Variants in ZNF385D observed in about 807,000 individuals in gnomAD.
ZNF385D encodes zinc finger protein 659.
Under a neutral mutation model 35.8 loss-of-function variants are expected in ZNF385D, and 15 were observed. The ratio of observed to expected loss-of-function variants is 0.42; its 90% CI spans 0.28 to 0.64. The LOEUF is 0.64. Ranked by LOEUF, ZNF385D falls within the 30% of genes least tolerant of loss-of-function variation. The pLI is 0.23. For missense variants in ZNF385D, 474 were observed against 494.6 expected, an observed-to-expected ratio of 0.96 and a Z score of 0.39; for synonymous variants, 212 against 186.8, an observed-to-expected ratio of 1.13 and a Z score of -1.10.
At chr3:21,843,711 T>C (rs1695822253) in intron 3 of ZNF385D, among the ~76,000 whole-genome samples, 2 of 151,990 alleles carry the variant, frequency 1.3e-5, no homozygotes, top group Admixed American at 6.6e-5. Context: ...AATCAAGTCA[T>C]TACCAATTTT....
At chr3:22,293,777 A>C (rs1702425211) in intron 2 of ZNF385D, among the ~76,000 whole-genome samples, 1 of 152,106 alleles carries the variant, frequency 6.6e-6, no homozygotes, top group South Asian at 2.1e-4. Context: ...GCTTTCAATA[A>C]AATGAAAATA....
chr3:22,318,331 C>T (rs1197634998), intron 2 of ZNF385D, among the ~76,000 whole-genome samples: 20 of 151,908 alleles, frequency 1.3e-4, no homozygotes, highest in Admixed American at 7.2e-4. Context: ...GATGAAGATG[C>T]AGGGAAAATT....
chr3:21,886,211 C>A (rs1207610690), intron 3 of ZNF385D, among the ~76,000 whole-genome samples: 2 of 152,062 alleles, frequency 1.3e-5, no homozygotes, highest in African/African-American at 4.8e-5. Flanking sequence ...CTGCCTATTT[C>A]ATCCAGACTG....
chr3:22,227,759 A>T (rs777668509), intron 2 of ZNF385D, among the ~76,000 whole-genome samples: 1 of 152,152 alleles, frequency 6.6e-6, no homozygotes, highest in East Asian at 1.9e-4. Context: ...CTAATGACCT[A>T]TAAGTTACAA....
At position 21,538,480 on chromosome 3, in the gene ZNF385D, A is replaced by T. The variant is rs114859002; in HGVS notation, c.276+26094T>A. On this transcript the variant is annotated intron_variant, in intron 3 of 7. Transcript: ENST00000281523. ...CAGTGACCTAGGAGTTTGTTTAAAA[A>T]CCAAAGAAACTTGGTTCTGTACATA... Among the ~76,000 whole-genome samples, 914 of 152,248 alleles carry T rather than the reference A, an allele frequency of 6.0e-3. 10 individuals are homozygous for T. Among genetic ancestry groups the T allele is most frequent in the African/African-American group, 0.021 (879 of 41,556 alleles).
At chr3:22,081,796 A>G (rs1342198035) in intron 3 of ZNF385D, among the ~76,000 whole-genome samples, 1 of 152,154 alleles carries the variant, frequency 6.6e-6, no homozygotes, top group African/African-American at 2.4e-5. Context: ...TTTTTTTAAA[A>G]AAGGTTGCTT....
At position 21,956,093 on chromosome 3, in the gene ZNF385D, A is replaced by G. The variant is rs916909187; in HGVS notation, c.325+212724T>C. Among the ~76,000 whole-genome samples the G allele has an allele frequency of 1.4e-4, 22 of 152,132 alleles. No homozygotes were observed. The East Asian group carries it at 3.7e-3, about 25-fold the overall frequency. On this transcript the variant is annotated intron_variant, in intron 3 of 5. Transcript: ENST00000494108. Reference sequence around the variant, plus strand: ...TCCCAGTACTCAAGAGGCTGAGGTGAGAGGATCTGCTTGAGCCCAGGAGAT... The same window carrying G: ...TCCCAGTACTCAAGAGGCTGAGGTGGGAGGATCTGCTTGAGCCCAGGAGAT...
chr3:21,732,141 C>G (rs971266317), intron 1 of ZNF385D, among the ~76,000 whole-genome samples: 64 of 144,124 alleles, frequency 4.4e-4, no homozygotes, highest in African/African-American at 1.6e-3. Flanking sequence ...CCTCCGCCTC[C>G]CAGGTTCAAG....
chr3:22,177,135 G>A (rs1310576904), intron 2 of ZNF385D, among the ~76,000 whole-genome samples: 4 of 152,106 alleles, frequency 2.6e-5, no homozygotes, highest in Non-Finnish European at 4.4e-5. Context: ...GCCACACAGC[G>A]TGTCTGCCAT....
intron 2 of ZNF385D, among the ~76,000 whole-genome samples, chr3:22,220,156 T>C (rs747195980): frequency 2.3e-4 from 35 of 151,694 alleles, no homozygotes; most frequent in Non-Finnish European, 3.7e-4. Flanking sequence ...CTCAACCTCC[T>C]GGGATCAAGC....
chr3:22,363,348 C>T (rs1696504095), intron 2 of ZNF385D, among the ~76,000 whole-genome samples: 1 of 152,144 alleles, frequency 6.6e-6, no homozygotes, highest in East Asian at 1.9e-4. Flanking sequence ...CTGTCAAAAG[C>T]ATCATTAAAA....
chr3:21,989,438 G>A (rs1468552243), intron 3 of ZNF385D, among the ~76,000 whole-genome samples: 2 of 152,132 alleles, frequency 1.3e-5, no homozygotes, highest in African/African-American at 4.8e-5. Flanking sequence ...GCAACAGTCG[G>A]AAACTAATTA....
intron 2 of ZNF385D, among the ~76,000 whole-genome samples, chr3:22,230,367 G>A (rs969826122): frequency 1.3e-5 from 2 of 152,068 alleles, no homozygotes; most frequent in Non-Finnish European, 2.9e-5. Context: ...GTTACTTCCA[G>A]GCACCAGAAA....
intron 3 of ZNF385D, among the ~76,000 whole-genome samples, chr3:21,867,672 A>G (rs1621132): frequency 0.41 from 62,655 of 151,726 alleles, 13,181 homozygotes; most frequent in Non-Finnish European, 0.43. Context: ...ATGATTTGCC[A>G]TTTTATTAGC....
chr3:21,619,206 A>G (rs1207559567), intron 2 of ZNF385D, among the ~76,000 whole-genome samples: 2 of 152,090 alleles, frequency 1.3e-5, no homozygotes, highest in African/African-American at 4.8e-5. Context: ...AGTATACCCA[A>G]GTCCTATTTT....
intron 3 of ZNF385D, among the ~76,000 whole-genome samples, chr3:22,089,661 G>A (rs952277728): frequency 6.6e-6 from 1 of 152,132 alleles, no homozygotes; most frequent in Non-Finnish European, 1.5e-5. Flanking sequence ...TCTGCCCTGA[G>A]TAAGGGGGGG....
intron 2 of ZNF385D, among the ~76,000 whole-genome samples, chr3:22,185,395 A>G (rs1246727138): frequency 6.6e-6 from 1 of 152,158 alleles, no homozygotes; most frequent in Non-Finnish European, 1.5e-5. Context: ...ATGCGCAAAA[A>G]CCATGGACAG....
At chr3:21,780,439 T>C (rs17029431) in intron 3 of ZNF385D, among the ~76,000 whole-genome samples, 76,640 of 151,836 alleles carry the variant, frequency 0.5, 20,351 homozygotes, top group Middle Eastern at 0.65. Flanking sequence ...AGCCCTCACG[T>C]TCTTTCTCAA....
intron 3 of ZNF385D, among the ~76,000 whole-genome samples, chr3:22,029,091 T>C (rs1379463101): frequency 1.3e-5 from 2 of 152,162 alleles, no homozygotes; most frequent in African/African-American, 4.8e-5. Context: ...GAGGTCTTAG[T>C]TCCAGAGGGA....
Sources: allele counts gnomAD v4.1 joint callset (sites outside exome capture counted in the v4.1 genomes callset), GRCh38; gene constraint gnomAD v4.1.1; transcripts MANE v1.5; gene names NCBI Gene and HGNC (gene_info 2026-07-23, HGNC 2026-07-21).